The following PLCE1 variants were observed in gnomAD, a reference collection of about 807,000 sequenced individuals.
The protein encoded by PLCE1 is phospholipase C epsilon 1, also known as 1-phosphatidylinositol 4,5-bisphosphate phosphodiesterase epsilon-1.
PLCE1 carries 119 observed loss-of-function variants against 242.8 expected under a neutral mutation model. The observed-to-expected ratio is 0.49, with a 90% CI of 0.42 to 0.57. PLCE1 has a LOEUF of 0.57. PLCE1 is among the 20% of genes least tolerant of loss of function. The pLI is 0.00. For synonymous variants in PLCE1, 945 were observed against 1,017.4 expected (o/e 0.93, Z 1.35); for missense variants, 2,441 against 2,788.8 (o/e 0.88, Z 2.81).
At chr10:94,045,176 A>AT (rs1435438055) in intron 2 of PLCE1, among the ~76,000 whole-genome samples, 1 of 151,854 alleles carries the variant, frequency 6.6e-6, no homozygotes, top group African/African-American at 2.4e-5. Context: ...AATTAAAAAA[A>AT]TTTTTTTTGT....
rs3831084 is a variant in PLCE1 at position 94,324,615 on chromosome 10, A to AT, written c.6720+49dup. On this transcript the variant is annotated intron_variant, in intron 31 of 32. Transcript: ENST00000371380. ...TCTGTTCTTAAGTTATCTGATACCCATAATTACACTGTAGCCAGATCTGGA... is the reference window on the plus strand; with the variant it reads ...TCTGTTCTTAAGTTATCTGATACCCATTAATTACACTGTAGCCAGATCTGGA... 327,744 of 1,395,928 alleles carry AT rather than the reference A, an allele frequency of 0.23. 40,712 individuals carry two copies. Among genetic ancestry groups the AT allele is most frequent in the Middle Eastern group, 0.38 (2,073 of 5,504 alleles). The allele number at this position is 1,395,928 out of a possible 1,614,324, so 86.5% of individuals were successfully genotyped here.
Position 94,252,512 on chromosome 10 carries a change from T to C in PLCE1, c.3279+14T>C. Reference sequence around the variant, plus strand: ...ATCCTCATGAGGGTAGAGTGTTATTTGTTTATTAAGCATTAAACCCATCTT... The same window carrying C: ...ATCCTCATGAGGGTAGAGTGTTATTCGTTTATTAAGCATTAAACCCATCTT... On this transcript the variant is annotated intron_variant, in intron 9 of 32. Coordinates refer to ENST00000371380, the MANE Select transcript of PLCE1 (RefSeq NM_016341.4). 1.2e-6 allele frequency: 2 copies of C among 1,605,424 alleles called. No individual in the cohort carries two copies. Among genetic ancestry groups the C allele is most frequent in the South Asian group, 1.1e-5 (1 of 90,338 alleles).
At chr10:94,201,439 A>G (rs1394646401) in intron 4 of PLCE1, among the ~76,000 whole-genome samples, 1 of 152,220 alleles carries the variant, frequency 6.6e-6, no homozygotes, top group African/African-American at 2.4e-5. Flanking sequence ...TTGCCCCACT[A>G]AAAAATATTC....
At chr10:94,208,626 G>T (rs1466573375) in intron 4 of PLCE1, among the ~76,000 whole-genome samples, 1 of 152,128 alleles carries the variant, frequency 6.6e-6, no homozygotes, top group African/African-American at 2.4e-5. Flanking sequence ...CTAGATCAGT[G>T]ATTCCCAAAC....
At chr10:94,106,912 T>TTCTCTCTCTCTCTCTCTCTC (rs771182277) in intron 2 of PLCE1, among the ~76,000 whole-genome samples, 6,463 of 38,684 alleles carry the variant, frequency 0.17, 2,005 homozygotes, top group Non-Finnish European at 0.21. Context: ...TGTCTCTTGT[T>TTCTCTCTCTCTCTCTCTCTC]TCTCTCTCTC....
At chr10:94,301,011 T>A (rs2053015333) in intron 24 of PLCE1, among the ~76,000 whole-genome samples, 1 of 149,544 alleles carries the variant, frequency 6.7e-6, no homozygotes, top group African/African-American at 2.5e-5. Flanking sequence ...TGCCACTGCA[T>A]TTCAGCCTGG....
intron 11 of PLCE1, 25 bp from the exon 12 acceptor site, chr10:94,258,775 C>T (rs750712302): frequency 1.9e-6 from 3 of 1,614,010 alleles, no homozygotes; most frequent in Non-Finnish European, 2.5e-6. Flanking sequence ...CCCTTGTGCC[C>T]ATGAAGGCCT....
At chr10:94,016,345 A>G (rs1240164457) in intron 1 of PLCE1, among the ~76,000 whole-genome samples, 1 of 152,106 alleles carries the variant, frequency 6.6e-6, no homozygotes, top group East Asian at 1.9e-4. Context: ...GAATATTTGC[A>G]TTATACATAA....
Position 94,245,985 on chromosome 10 carries a change from C to A in PLCE1, c.2460C>A (p.Ile820=). 1 of 1,614,106 alleles carries A rather than the reference C, an allele frequency of 6.2e-7. No individual in the cohort carries two copies. Among genetic ancestry groups the A allele is most frequent in the South Asian group, 1.1e-5 (1 of 91,070 alleles). ...IGDLLDSDND[I]FEQSKEYDSH... is the part of the protein sequence containing the mutation. ...ATTTGTTGGATTCAGACAATGACATCTTTGAGCAATCCAAAGAATACGACT... is the reference window on the plus strand; with the variant it reads ...ATTTGTTGGATTCAGACAATGACATATTTGAGCAATCCAAAGAATACGACT... Residue 820 remains isoleucine (I), a synonymous_variant, in exon 8 of 33, where the codon ATC becomes ATA. Coordinates refer to ENST00000371380, the MANE Select transcript of PLCE1 (RefSeq NM_016341.4).
intron 2 of PLCE1, among the ~76,000 whole-genome samples, chr10:94,101,837 A>G (rs997015281): frequency 6.6e-6 from 1 of 152,154 alleles, no homozygotes; most frequent in African/African-American, 2.4e-5. Flanking sequence ...AGCTGAGTGA[A>G]TGCCACCTGG....
chr10:94,015,793 A>G (rs549302314), intron 1 of PLCE1, among the ~76,000 whole-genome samples: 2 of 152,352 alleles, frequency 1.3e-5, no homozygotes, highest in South Asian at 2.1e-4. Context: ...TGGAGAGGCT[A>G]GTGTTGATCA....
intron 2 of PLCE1, among the ~76,000 whole-genome samples, chr10:94,042,721 A>G (rs977228655): frequency 3.3e-5 from 5 of 152,004 alleles, no homozygotes; most frequent in African/African-American, 4.8e-5. Flanking sequence ...ATTTTTTATG[A>G]CTCAGCCTGC....
At chr10:94,196,469 A>G (rs1054753715) in intron 4 of PLCE1, among the ~76,000 whole-genome samples, 4 of 152,178 alleles carry the variant, frequency 2.6e-5, no homozygotes, top group Admixed American at 6.5e-5. Context: ...AGGAGGATCT[A>G]TAAGCTACCT....
At chr10:94,184,810 T>C (rs2048419862) in intron 4 of PLCE1, among the ~76,000 whole-genome samples, 1 of 152,204 alleles carries the variant, frequency 6.6e-6, no homozygotes, top group Admixed American at 6.5e-5. Flanking sequence ...CCCTTGGTCA[T>C]GTCTTAGCTC....
chr10:94,010,422 A>G (rs2134261655), intron 1 of PLCE1, among the ~76,000 whole-genome samples: 1 of 152,302 alleles, frequency 6.6e-6, no homozygotes, highest in South Asian at 2.1e-4. Flanking sequence ...GGATATTAGT[A>G]CTTGGCTCTC....
chr10:94,227,381 G>A lies in PLCE1; in HGVS notation c.1885G>A (p.Val629Met). The A allele has an allele frequency of 6.2e-7, 1 of 1,614,046 alleles. No individual in the cohort carries two copies. The change falls in exon 5 of 33, where the codon GTG becomes ATG. Residue 629 changes from valine (V) to methionine (M), a missense_variant. Transcript: ENST00000371380. ...EEKREVFSYLVHVAKCCWNMG... is the reference protein window; with the variant it reads ...EEKREVFSYLMHVAKCCWNMG... ...GAAGCGAGAAGTCTTTTCATATTTG[G>A]TGCATGTGGCCAAATGCTGCTGGAA... is the stretch of plus-strand genomic sequence containing the variant.
At chr10:94,112,602 G>C (rs2045988911) in intron 2 of PLCE1, among the ~76,000 whole-genome samples, 1 of 152,090 alleles carries the variant, frequency 6.6e-6, no homozygotes, top group African/African-American at 2.4e-5. Context: ...AGAATCACTG[G>C]GGAAACTTTA....
intron 1 of PLCE1, among the ~76,000 whole-genome samples, chr10:94,023,228 T>C (rs1012954740): frequency 7.2e-5 from 11 of 152,180 alleles, no homozygotes; most frequent in Non-Finnish European, 1.5e-4. Context: ...CATTAAGTGC[T>C]AGGCTGATTC....
chr10:94,321,399 C>T (rs566545771), intron 29 of PLCE1, among the ~76,000 whole-genome samples: 5 of 152,262 alleles, frequency 3.3e-5, no homozygotes, highest in Admixed American at 6.5e-5. Flanking sequence ...TTTGGGAGGC[C>T]GATGCAGGTG....
Sources: gnomAD v4.1 joint callset for allele counts (sites outside exome capture counted in the v4.1 genomes callset) on GRCh38, gnomAD v4.1.1 for gene constraint, MANE v1.5 for transcripts, NCBI Gene and HGNC (gene_info 2026-07-23, HGNC 2026-07-21) for gene names.